RFX3: variants seen among roughly 807,000 people sequenced by gnomAD.
The protein encoded by RFX3 is regulatory factor X3.
In RFX3, 14 loss-of-function variants were observed where a neutral mutation model predicts 98.6. The ratio of observed to expected loss-of-function variants is 0.14; its 90% CI spans 0.09 to 0.22. The LOEUF (loss-of-function observed/expected upper bound fraction) is 0.22. Ranked by LOEUF, RFX3 falls within the 10% of genes least tolerant of loss-of-function variation. RFX3 has a pLI of 1.00. For missense variants in RFX3, 639 were observed against 926.9 expected, an observed-to-expected ratio of 0.69 and a Z score of 4.03; for synonymous variants, 383 against 328.4, an observed-to-expected ratio of 1.17 and a Z score of -1.80.
At chr9:3,448,346 G>A (rs1034386326) in intron 1 of RFX3, among the ~76,000 whole-genome samples, 1 of 152,024 alleles carries the variant, frequency 6.6e-6, no homozygotes, top group Admixed American at 6.6e-5. Flanking sequence ...TTTGACAAAG[G>A]ATCCTGTTCA....
At chr9:3,358,549 G>A (rs2131348044) in intron 2 of RFX3, among the ~76,000 whole-genome samples, 1 of 152,146 alleles carries the variant, frequency 6.6e-6, no homozygotes, top group Non-Finnish European at 1.5e-5. Flanking sequence ...TAAAAATAGG[G>A]CATAATTCTT....
chr9:3,513,842 C>T (rs1489985017), intron 1 of RFX3, among the ~76,000 whole-genome samples: 1 of 152,170 alleles, frequency 6.6e-6, no homozygotes, highest in Non-Finnish European at 1.5e-5. Context: ...CACCTTACTT[C>T]CAAGACATAT....
In RFX3 at chr9:3,360,840, A is replaced by G. The variant is rs79003327; in HGVS notation, c.118-14076T>C. On this transcript the variant is annotated intron_variant, in intron 2 of 16. Coordinates refer to ENST00000617270, the MANE Select transcript of RFX3 (RefSeq NM_001282116.2). ...ATTTCGGATGTGCTTCAAGAAAAAT[A>G]AAATGAATCACACCTCAAAACAGAA... 3.0e-3 allele frequency among the ~76,000 whole-genome samples: 454 copies of G among 152,346 alleles called. 6 individuals carry two copies. In the East Asian group the frequency reaches 0.058, roughly 19 times the overall value.
At chr9:3,247,747 T>G in intron 15 of RFX3, 1 of 1,553,306 alleles carries the variant, frequency 6.4e-7, no homozygotes, top group Non-Finnish European at 8.7e-7. Flanking sequence ...ATTTTTCATA[T>G]TCCAGTGGTT....
At chr9:3,367,426 A>C (rs1015351897) in intron 2 of RFX3, among the ~76,000 whole-genome samples, 1 of 152,206 alleles carries the variant, frequency 6.6e-6, no homozygotes, top group African/African-American at 2.4e-5. Flanking sequence ...CAAAAGCCCC[A>C]TGTGACAGAC....
At chr9:3,410,632 A>T (rs943750129) in intron 1 of RFX3, among the ~76,000 whole-genome samples, 1 of 152,178 alleles carries the variant, frequency 6.6e-6, no homozygotes, top group Non-Finnish European at 1.5e-5. Flanking sequence ...CAGCTTTTAC[A>T]AGGTGCACTT....
At chr9:3,326,833 T>C (rs956315816) in intron 4 of RFX3, among the ~76,000 whole-genome samples, 1 of 152,184 alleles carries the variant, frequency 6.6e-6, no homozygotes, top group Non-Finnish European at 1.5e-5. Context: ...TGTTTCCAAG[T>C]ACCCAAACAT....
At chr9:3,508,091 G>A (rs1817288799) in intron 1 of RFX3, among the ~76,000 whole-genome samples, 1 of 151,908 alleles carries the variant, frequency 6.6e-6, no homozygotes, top group African/African-American at 2.4e-5. Flanking sequence ...GTAAAACTCT[G>A]AGCTATTTCT....
At chr9:3,407,274 A>G (rs1055789294) in intron 1 of RFX3, among the ~76,000 whole-genome samples, 3 of 152,320 alleles carry the variant, frequency 2.0e-5, no homozygotes, top group African/African-American at 7.2e-5. Flanking sequence ...AGGTATTCTA[A>G]GAAGCCTCTA....
At chr9:3,262,430 G>A (rs1586787643) in intron 13 of RFX3, among the ~76,000 whole-genome samples, 1 of 152,160 alleles carries the variant, frequency 6.6e-6, no homozygotes, top group South Asian at 2.1e-4. Context: ...ATATTTACTA[G>A]GCAGCTATAG....
At chr9:3,369,346 G>C (rs10971599) in intron 2 of RFX3, among the ~76,000 whole-genome samples, 1 of 152,008 alleles carries the variant, frequency 6.6e-6, no homozygotes, top group African/African-American at 2.4e-5. Context: ...GTTGTCTTTT[G>C]TAAGTACACT....
At chr9:3,502,595 A>T (rs1400934304) in intron 1 of RFX3, among the ~76,000 whole-genome samples, 1 of 152,234 alleles carries the variant, frequency 6.6e-6, no homozygotes, top group Non-Finnish European at 1.5e-5. Context: ...TTGAAAAATT[A>T]TACAGTATTC....
chr9:3,375,354 C>T (rs1286096388), intron 2 of RFX3, among the ~76,000 whole-genome samples: 1 of 152,204 alleles, frequency 6.6e-6, no homozygotes. Context: ...AGCAAGACCA[C>T]ACCATGATGT....
rs184196316 is a variant in RFX3, at chr9:3,305,122, C to T, written c.475-3502G>A. 2.6e-5 allele frequency among the ~76,000 whole-genome samples: 4 copies of T among 151,972 alleles called. No individual in the cohort carries two copies. In the East Asian group the frequency reaches 7.7e-4, roughly 29 times the overall value. ...TCTAGGAAGAATCGACTTAATAGAGCCAGGAGGCAAGAAAGCACAGGCTGT... is the reference window on the plus strand; with the variant it reads ...TCTAGGAAGAATCGACTTAATAGAGTCAGGAGGCAAGAAAGCACAGGCTGT... On this transcript the variant is annotated intron_variant, in intron 4 of 16. Transcript: ENST00000617270.
At chr9:3,502,790 G>A (rs138858642) in intron 1 of RFX3, among the ~76,000 whole-genome samples, 1 of 152,096 alleles carries the variant, frequency 6.6e-6, no homozygotes, top group African/African-American at 2.4e-5. Context: ...TTAGCCCTGA[G>A]TCATCTATGT....
intron 4 of RFX3, among the ~76,000 whole-genome samples, chr9:3,329,429 CAAA>C (rs1056225979): frequency 1.8e-5 from 2 of 108,282 alleles, no homozygotes; most frequent in Non-Finnish European, 3.6e-5. Flanking sequence ...AAAAAAAAAA[CAAA>C]AAACCACCAA....
intron 1 of RFX3, among the ~76,000 whole-genome samples, chr9:3,519,133 T>G (rs1472178215): frequency 1.3e-5 from 2 of 152,152 alleles, no homozygotes; most frequent in Admixed American, 6.5e-5. Context: ...TAACAGATAA[T>G]GACATATTAC....
At chr9:3,419,200 T>A (rs1341251936) in intron 1 of RFX3, among the ~76,000 whole-genome samples, 2 of 152,194 alleles carry the variant, frequency 1.3e-5, no homozygotes, top group African/African-American at 4.8e-5. Flanking sequence ...TTTGCGCAAC[T>A]TCGATGCTTT....
chr9:3,306,620 G>C (rs1028661926), intron 4 of RFX3, among the ~76,000 whole-genome samples: 1 of 128,678 alleles, frequency 7.8e-6, no homozygotes, highest in African/African-American at 2.8e-5. Context: ...GGAGGGGGGA[G>C]GGATACCATT....
Sources: gnomAD v4.1 joint callset for allele counts (sites outside exome capture counted in the v4.1 genomes callset) on GRCh38, gnomAD v4.1.1 for gene constraint, MANE v1.5 for transcripts, NCBI Gene and HGNC (gene_info 2026-07-23, HGNC 2026-07-21) for gene names.